The following PIGU variants were observed in gnomAD, a reference collection of about 807,000 sequenced individuals.
PIGU encodes the protein GPI-anchor transamidase component PIGU.
Under a neutral mutation model 49.9 loss-of-function variants are expected in PIGU, and 24 were observed. The ratio of observed to expected loss-of-function variants is 0.48; its 90% CI spans 0.35 to 0.68. The LOEUF is 0.68. Among genes scored for constraint, PIGU ranks in the 30% least tolerant of loss-of-function variants. PIGU has a pLI of 0.01. For missense variants in PIGU, 490 were observed against 532.6 expected (o/e 0.92, Z 0.79); for synonymous variants, 220 against 205.7 (o/e 1.07, Z -0.59).
chr20:34,666,724 T>G (rs1279603085), intron 1 of PIGU, among the ~76,000 whole-genome samples: 3 of 126,084 alleles, frequency 2.4e-5, no homozygotes, highest in African/African-American at 9.3e-5. Flanking sequence ...TGAGACAGAG[T>G]CTCGCTCTGT....
At chr20:34,666,821 C>T (rs540892877) in intron 1 of PIGU, among the ~76,000 whole-genome samples, 34 of 151,664 alleles carry the variant, frequency 2.2e-4, no homozygotes, top group South Asian at 1.0e-3. Context: ...CTCAGCCTCC[C>T]GAGTAGCTGG....
intron 11 of PIGU, among the ~76,000 whole-genome samples, chr20:34,569,209 G>GA (rs974724062): frequency 1.3e-4 from 20 of 149,436 alleles, no homozygotes; most frequent in South Asian, 1.1e-3. Flanking sequence ...GTCTCAAAAA[G>GA]AAAAAAAAAT....
chr20:34,658,667 C>T (rs1444859230), intron 1 of PIGU, among the ~76,000 whole-genome samples: 3 of 151,598 alleles, frequency 2.0e-5, no homozygotes, highest in South Asian at 2.1e-4. Context: ...AGGTGAGGAG[C>T]GTCTCTGCCC....
chr20:34,659,183 G>A (rs1488922771), intron 1 of PIGU, among the ~76,000 whole-genome samples: 4 of 118,784 alleles, frequency 3.4e-5, no homozygotes, highest in Admixed American at 8.3e-5. Flanking sequence ...CCGGCCAGCC[G>A]CCCCGTCCAG....
At chr20:34,566,595 G>C (rs1419530111) in intron 11 of PIGU, among the ~76,000 whole-genome samples, 2 of 152,178 alleles carry the variant, frequency 1.3e-5, no homozygotes, top group Non-Finnish European at 2.9e-5. Flanking sequence ...GTCTGCCCTG[G>C]TCCAGGCCCT....
intron 4 of PIGU, among the ~76,000 whole-genome samples, chr20:34,638,836 A>G (rs1077825): frequency 6.6e-6 from 1 of 152,186 alleles, no homozygotes; most frequent in African/African-American, 2.4e-5. Flanking sequence ...AAAGAAAGGT[A>G]GGCAATCTTA....
At chr20:34,588,877 T>C (rs982210558) in intron 7 of PIGU, among the ~76,000 whole-genome samples, 2 of 152,108 alleles carry the variant, frequency 1.3e-5, no homozygotes, top group African/African-American at 2.4e-5. Context: ...CATTGCACCA[T>C]TGTTTGGAAT....
intron 6 of PIGU, among the ~76,000 whole-genome samples, chr20:34,627,923 T>C (rs1985553931): frequency 6.6e-6 from 1 of 152,116 alleles, no homozygotes; most frequent in South Asian, 2.1e-4. Context: ...CTATGCAATA[T>C]CTAGCCATTT....
At chr20:34,566,540 G>A (rs577956539) in intron 11 of PIGU, among the ~76,000 whole-genome samples, 1 of 152,214 alleles carries the variant, frequency 6.6e-6, no homozygotes, top group Non-Finnish European at 1.5e-5. Context: ...ACATGCTCTA[G>A]TGCAGGGCAG....
Position 34,633,728 on chromosome 20 carries a change from C to T in PIGU, c.529+887G>A, listed in dbSNP as rs112027713. On this transcript the variant is annotated intron_variant, in intron 6 of 11. Coordinates refer to ENST00000217446, the MANE Select transcript of PIGU (RefSeq NM_080476.5). ...GATTACAGGTGCACACCACCACACCCGGCTAATTTTTTTCCTATTTTTAGT... is the reference window on the plus strand; with the variant it reads ...GATTACAGGTGCACACCACCACACCTGGCTAATTTTTTTCCTATTTTTAGT... Among the ~76,000 whole-genome samples, 295 of 151,924 alleles carry T rather than the reference C, an allele frequency of 1.9e-3. 2 individuals are homozygous for T. Among genetic ancestry groups the T allele is most frequent in the African/African-American group, 6.2e-3 (255 of 41,434 alleles).
chr20:34,631,746 T>C (rs867557499), intron 6 of PIGU, among the ~76,000 whole-genome samples: 5 of 2,160 alleles, frequency 2.3e-3, no homozygotes, highest in African/African-American at 0.014. Context: ...TATATATATA[T>C]ATATATATAT....
chr20:34,574,319 T>G (rs1298067715), intron 11 of PIGU, among the ~76,000 whole-genome samples: 1 of 152,090 alleles, frequency 6.6e-6, no homozygotes, highest in African/African-American at 2.4e-5. Flanking sequence ...TTTCTGGGAG[T>G]GGGATCAGAG....
At chr20:34,600,860 C>A (rs1383613946) in intron 7 of PIGU, among the ~76,000 whole-genome samples, 2 of 152,028 alleles carry the variant, frequency 1.3e-5, no homozygotes, top group East Asian at 1.9e-4. Context: ...CATGGAGAAA[C>A]CCCGTCTCTA....
intron 6 of PIGU, among the ~76,000 whole-genome samples, chr20:34,617,872 C>T (rs1475435426): frequency 6.6e-6 from 1 of 152,128 alleles, no homozygotes; most frequent in Non-Finnish European, 1.5e-5. Context: ...ATGGGAGTTG[C>T]TGGTCTTTCC....
chr20:34,648,251 CAAAAAAAA>C (rs34170509), intron 2 of PIGU, among the ~76,000 whole-genome samples: 4 of 88,856 alleles, frequency 4.5e-5, no homozygotes, highest in South Asian at 8.2e-4. Context: ...GACCCTGTCT[CAAAAAAAA>C]AAAAAAAAAA....
chr20:34,667,882 C>G (rs1051480263), intron 1 of PIGU, among the ~76,000 whole-genome samples: 5 of 152,118 alleles, frequency 3.3e-5, no homozygotes, highest in African/African-American at 1.2e-4. Context: ...GTGGAGAAAT[C>G]TGGCAGACAC....
chr20:34,674,628 CA>C (rs1352854887), intron 1 of PIGU, among the ~76,000 whole-genome samples: 1 of 151,932 alleles, frequency 6.6e-6, no homozygotes, highest in East Asian at 1.9e-4. Flanking sequence ...TCAAGGAGCT[CA>C]TAATATAGTG....
At chr20:34,662,676 G>A (rs1986966229) in intron 1 of PIGU, among the ~76,000 whole-genome samples, 1 of 152,012 alleles carries the variant, frequency 6.6e-6, no homozygotes, top group South Asian at 2.1e-4. Context: ...TTTTAAATAG[G>A]TTTGTTTGTA....
chr20:34,614,540 G>A (rs780555875), intron 7 of PIGU, among the ~76,000 whole-genome samples: 1 of 151,040 alleles, frequency 6.6e-6, no homozygotes, highest in Admixed American at 6.6e-5. Flanking sequence ...TGAGACGATC[G>A]ATTGAGCCTG....
Sources: allele counts gnomAD v4.1 joint callset (sites outside exome capture counted in the v4.1 genomes callset), GRCh38; gene constraint gnomAD v4.1.1; transcripts MANE v1.5; gene names NCBI Gene and HGNC (gene_info 2026-07-23, HGNC 2026-07-21).